DROSHA: variants seen among roughly 807,000 people sequenced by gnomAD.
The protein encoded by DROSHA is ribonuclease 3.
A neutral mutation model predicts 181.9 loss-of-function variants in DROSHA; 56 were observed. That is an observed-to-expected ratio of 0.31 (90% CI 0.25 to 0.38). The LOEUF (loss-of-function observed/expected upper bound fraction) is 0.38. Ranked by LOEUF, DROSHA falls within the 10% of genes least tolerant of loss-of-function variation. DROSHA has a pLI of 1.00. For missense variants in DROSHA, 1,218 were observed against 1,743.5 expected, an observed-to-expected ratio of 0.70 and a Z score of 5.37; for synonymous variants, 524 against 591.2, an observed-to-expected ratio of 0.89 and a Z score of 1.65.
chr5:31,433,701 C>A (rs576882309), intron 25 of DROSHA, among the ~76,000 whole-genome samples: 1 of 152,104 alleles, frequency 6.6e-6, no homozygotes, highest in Non-Finnish European at 1.5e-5. Context: ...CCTGCCACCA[C>A]GCCTGGCTAA....
chr5:31,509,466 C>T (rs1286056477), intron 9 of DROSHA, among the ~76,000 whole-genome samples: 2 of 152,114 alleles, frequency 1.3e-5, no homozygotes, highest in African/African-American at 4.8e-5. Context: ...AAAGAAGGAG[C>T]ACATGTGACC....
chr5:31,461,711 T>C (rs1748419679), intron 20 of DROSHA, among the ~76,000 whole-genome samples: 1 of 151,722 alleles, frequency 6.6e-6, no homozygotes, highest in Admixed American at 6.6e-5. Context: ...ACTACACTAG[T>C]TTACTTTTGC....
chr5:31,406,766 C>T, intron 34 of DROSHA, 87 bp downstream of exon 34: 1 of 1,222,592 alleles, frequency 8.2e-7, no homozygotes, highest in Non-Finnish European at 1.2e-6. Context: ...TTAAAAAAGA[C>T]AGATGACTGA....
chr5:31,434,702 A>G (rs935730195), intron 25 of DROSHA, among the ~76,000 whole-genome samples: 1 of 152,242 alleles, frequency 6.6e-6, no homozygotes, highest in Non-Finnish European at 1.5e-5. Context: ...TACTCTTTCT[A>G]TCAAAATCAA....
intron 4 of DROSHA, among the ~76,000 whole-genome samples, chr5:31,528,224 G>A (rs1039925252): frequency 1.3e-5 from 2 of 151,992 alleles, no homozygotes; most frequent in Non-Finnish European, 1.5e-5. Context: ...ACATCAATCT[G>A]TCAGAAACTC....
intron 16 of DROSHA, among the ~76,000 whole-genome samples, chr5:31,473,715 C>T (rs951444319): frequency 2.0e-5 from 3 of 152,160 alleles, no homozygotes; most frequent in African/African-American, 4.8e-5. Context: ...TAAGAGGTTT[C>T]ACGTAGGCAA....
chr5:31,508,567 T>C (rs974683579), intron 10 of DROSHA, 54 bp downstream of exon 10: 2 of 1,610,090 alleles, frequency 1.2e-6, no homozygotes, highest in African/African-American at 2.7e-5. Context: ...CCCAGAGCAA[T>C]AACCGTTATG....
chr5:31,423,763 T>C (rs1259949643), intron 28 of DROSHA, among the ~76,000 whole-genome samples: 1 of 114,972 alleles, frequency 8.7e-6, no homozygotes, highest in Non-Finnish European at 1.7e-5. Flanking sequence ...TAAAAATAAG[T>C]ATATGAGGAT....
rs143911283 is a variant in DROSHA, at chr5:31,411,224, A to T, written c.3526-337T>A. 3.9e-4 allele frequency among the ~76,000 whole-genome samples: 59 copies of T among 152,354 alleles called. No homozygotes were observed. Among genetic ancestry groups the T allele is most frequent in the African/African-American group, 1.4e-3 (58 of 41,572 alleles). ...TAGTTTCTAATAAGTTTAATGCTACAAAATAAGGAAGCATTAAGAGTGTTA... is the reference window on the plus strand; with the variant it reads ...TAGTTTCTAATAAGTTTAATGCTACTAAATAAGGAAGCATTAAGAGTGTTA... On this transcript the variant is annotated intron_variant, in intron 30 of 35. Coordinates refer to ENST00000344624, the MANE Select transcript of DROSHA (RefSeq NM_001382508.1). This position sits in a 1 kb window ranked among gnomAD's most constrained non-coding sequence, Gnocchi z 4.2.
At chr5:31,442,503 A>C (rs1390476391) in intron 23 of DROSHA, among the ~76,000 whole-genome samples, 4 of 152,196 alleles carry the variant, frequency 2.6e-5, no homozygotes, top group Non-Finnish European at 5.9e-5. Flanking sequence ...TTTGTTTTTA[A>C]GAAGTGAATC....
intron 4 of DROSHA, chr5:31,527,552 T>C (rs1740744443): frequency 6.5e-6 from 1 of 153,940 alleles, no homozygotes; most frequent in South Asian, 2.1e-4. Context: ...ATCATAACGC[T>C]GATGTGATGC....
intron 16 of DROSHA, among the ~76,000 whole-genome samples, chr5:31,482,299 C>T (rs1008472587): frequency 1.3e-5 from 2 of 152,154 alleles, no homozygotes; most frequent in South Asian, 2.1e-4. Flanking sequence ...GACATTAACT[C>T]GGAGATGATG....
At chr5:31,495,240 C>T (rs1036470989) in intron 12 of DROSHA, 46 bp downstream of exon 12, 7 of 1,566,640 alleles carry the variant, frequency 4.5e-6, no homozygotes, top group African/African-American at 1.4e-5. Flanking sequence ...ACATTTTACT[C>T]TATTTACATT....
At chr5:31,443,796 C>T (rs911754453) in intron 23 of DROSHA, among the ~76,000 whole-genome samples, 4 of 152,114 alleles carry the variant, frequency 2.6e-5, no homozygotes, top group African/African-American at 7.2e-5. Context: ...TTCTTGATCC[C>T]CCCGCTGCCC....
chr5:31,403,708 T>C lies in DROSHA; in HGVS notation c.3994+1969A>G, dbSNP rs149900162. Among the ~76,000 whole-genome samples, 110 of 152,324 alleles carry C rather than the reference T, an allele frequency of 7.2e-4. No individual in the cohort carries two copies. The Middle Eastern group carries it at 0.01, about 14-fold the overall frequency. ...CCATTAAATAGACACATCCATTAGT[T>C]TGCACACTATCCAGGCCAGTGGGCT... On this transcript the variant is annotated intron_variant, in intron 35 of 35. Coordinates refer to ENST00000344624, the MANE Select transcript of DROSHA (RefSeq NM_001382508.1).
chr5:31,517,559 A>G (rs1739402634), intron 6 of DROSHA, among the ~76,000 whole-genome samples: 2 of 152,168 alleles, frequency 1.3e-5, no homozygotes, highest in Admixed American at 6.5e-5. Context: ...ATGTAACTTT[A>G]CATATTTATT....
intron 11 of DROSHA, among the ~76,000 whole-genome samples, chr5:31,495,743 G>A (rs905433892): frequency 1.3e-5 from 2 of 152,212 alleles, no homozygotes; most frequent in African/African-American, 4.8e-5. Context: ...TGAAGACTTG[G>A]TGTTCTTCCA....
At chr5:31,406,818 C>A in intron 34 of DROSHA, 35 bp downstream of exon 34, 1 of 1,587,842 alleles carries the variant, frequency 6.3e-7, no homozygotes, top group Non-Finnish European at 8.6e-7. Flanking sequence ...ACAGGATGTT[C>A]ATTCAAAGCA....
chr5:31,443,204 G>C (rs1745832059), intron 23 of DROSHA, among the ~76,000 whole-genome samples: 1 of 151,938 alleles, frequency 6.6e-6, no homozygotes, highest in African/African-American at 2.4e-5. Flanking sequence ...GTTTTTAGTA[G>C]AGAGGGTTTC....
Sources: allele counts gnomAD v4.1 joint callset (sites outside exome capture counted in the v4.1 genomes callset), GRCh38; gene constraint gnomAD v4.1.1; non-coding constraint Gnocchi (gnomAD v3.1); transcripts MANE v1.5; gene names NCBI Gene and HGNC (gene_info 2026-07-23, HGNC 2026-07-21).